PCDH7: variants seen among roughly 807,000 people sequenced by gnomAD.
PCDH7 encodes protocadherin-7.
PCDH7 carries 17 observed loss-of-function variants against 58.9 expected under a neutral mutation model. That is an observed-to-expected ratio of 0.29 (90% confidence interval 0.20 to 0.43). The LOEUF (loss-of-function observed/expected upper bound fraction) is 0.43. Ranked by LOEUF, PCDH7 falls within the 20% of genes least tolerant of loss-of-function variation. PCDH7 has a pLI of 1.00. For synonymous variants in PCDH7, 664 were observed against 616.4 expected (o/e 1.08, Z -1.14); for missense variants, 1,274 against 1,441.0 (o/e 0.88, Z 1.88).
chr4:30,747,175 A>C (rs1350790284), intron 1 of PCDH7, among the ~76,000 whole-genome samples: 1 of 152,204 alleles, frequency 6.6e-6, no homozygotes, highest in East Asian at 1.9e-4. Context: ...TTATATAGTT[A>C]ATACTGAACT....
chr4:31,123,575 C>A (rs1329127319), intron 3 of PCDH7, among the ~76,000 whole-genome samples: 1 of 152,190 alleles, frequency 6.6e-6, no homozygotes, highest in Non-Finnish European at 1.5e-5. Flanking sequence ...TGCCCATGAC[C>A]TCTGGAGCCC....
intron 3 of PCDH7, among the ~76,000 whole-genome samples, chr4:30,995,389 G>T (rs1287196221): frequency 1.3e-5 from 2 of 152,072 alleles, no homozygotes; most frequent in African/African-American, 4.8e-5. Context: ...GCGGGCGCCT[G>T]TAGTCCCAGC....
intron 1 of PCDH7, among the ~76,000 whole-genome samples, chr4:30,866,747 C>G (rs1415617892): frequency 6.6e-6 from 1 of 151,514 alleles, no homozygotes; most frequent in Admixed American, 6.6e-5. Flanking sequence ...ACTCCTTTCT[C>G]TGCAATCCTT....
At chr4:30,884,739 T>C (rs1454722325) in intron 1 of PCDH7, 1 of 152,112 alleles carries the variant, frequency 6.6e-6, no homozygotes, top group Admixed American at 6.6e-5. Context: ...GATCTTAAGA[T>C]TGCATATGCA....
chr4:30,963,976 A>T (rs1336670891), intron 3 of PCDH7, among the ~76,000 whole-genome samples: 1 of 152,208 alleles, frequency 6.6e-6, no homozygotes, highest in East Asian at 1.9e-4. Context: ...TTCTATTTCA[A>T]ACACATATGT....
At chr4:30,725,121 A>T (rs1290508409) in intron 1 of PCDH7, 1 of 999,376 alleles carries the variant, frequency 1.0e-6, no homozygotes, top group Non-Finnish European at 1.2e-6. Flanking sequence ...TAAGTCTGAG[A>T]TATTGAAATA....
intron 1 of PCDH7, among the ~76,000 whole-genome samples, chr4:30,915,283 A>G (rs1578272905): frequency 6.6e-6 from 1 of 152,044 alleles, no homozygotes; most frequent in Non-Finnish European, 1.5e-5. Flanking sequence ...CTATTTCTCC[A>G]TTGATTGACA....
chr4:30,816,282 C>A (rs933834395), intron 1 of PCDH7, among the ~76,000 whole-genome samples: 5 of 152,154 alleles, frequency 3.3e-5, no homozygotes, highest in Admixed American at 1.3e-4. Flanking sequence ...TATAATGCTG[C>A]TAGTGGCATA....
At chr4:30,948,372 T>A (rs1746966746) in intron 2 of PCDH7, among the ~76,000 whole-genome samples, 1 of 151,946 alleles carries the variant, frequency 6.6e-6, no homozygotes, top group African/African-American at 2.4e-5. Flanking sequence ...TCCTTTTTGG[T>A]TTTTGGCTTA....
At chr4:30,957,126 G>GT (rs1334915852) in intron 3 of PCDH7, among the ~76,000 whole-genome samples, 2 of 152,118 alleles carry the variant, frequency 1.3e-5, no homozygotes, top group African/African-American at 2.4e-5. Flanking sequence ...GGTCACGAGA[G>GT]TTTAACACCA....
chr4:30,976,071 C>A (rs888282110), intron 3 of PCDH7, among the ~76,000 whole-genome samples: 1 of 152,172 alleles, frequency 6.6e-6, no homozygotes, highest in Non-Finnish European at 1.5e-5. Flanking sequence ...CATCAGTGGG[C>A]TTTAGTATCT....
chr4:31,123,296 G>A (rs1027398767), intron 3 of PCDH7, among the ~76,000 whole-genome samples: 3 of 151,900 alleles, frequency 2.0e-5, no homozygotes, highest in Admixed American at 6.6e-5. Context: ...ATCAATATTC[G>A]ATACTTAAGA....
chr4:30,775,896 C>CA lies in PCDH7; in HGVS notation c.70+51310dup, dbSNP rs929767863. 3.7e-3 allele frequency among the ~76,000 whole-genome samples: 534 copies of CA among 145,610 alleles called. 4 individuals are homozygous for CA. The highest frequency in any genetic ancestry group is 0.012 in the African/African-American group (487 of 39,816). The stretch of plus-strand genomic sequence containing the variant: ...TGGGTGACAGAGTGAAACTCCATTG[C>CA]AAAAAAAAAAGATATGAGTTATGAT... On this transcript the variant is annotated intron_variant, in intron 1 of 3. Transcript: ENST00000509759.
chr4:31,007,571 A>C (rs1290055464), intron 3 of PCDH7, among the ~76,000 whole-genome samples: 1 of 151,434 alleles, frequency 6.6e-6, no homozygotes, highest in Admixed American at 6.6e-5. Flanking sequence ...AGTTTCTAGA[A>C]GATATGGTTT....
At chr4:30,745,985 A>T (rs1198905272) in intron 1 of PCDH7, among the ~76,000 whole-genome samples, 1 of 152,034 alleles carries the variant, frequency 6.6e-6, no homozygotes, top group African/African-American at 2.4e-5. Context: ...GATTACAGGC[A>T]TGCACCACCA....
At chr4:31,037,802 G>A (rs970854186) in intron 3 of PCDH7, among the ~76,000 whole-genome samples, 2 of 152,148 alleles carry the variant, frequency 1.3e-5, no homozygotes, top group African/African-American at 4.8e-5. Flanking sequence ...TTGTGGTGTG[G>A]ACTTTGCTTT....
At chr4:30,876,166 C>G (rs981044791) in intron 1 of PCDH7, among the ~76,000 whole-genome samples, 1 of 152,064 alleles carries the variant, frequency 6.6e-6, no homozygotes, top group Non-Finnish European at 1.5e-5. Flanking sequence ...AGGTAACAGG[C>G]TGCAATATGC....
rs1448693569 is a variant in PCDH7, at chr4:30,913,617, T to C, written c.71-6536T>C. 2.6e-5 allele frequency among the ~76,000 whole-genome samples: 4 copies of C among 152,150 alleles called. 1 individual carries two copies. The highest frequency in any genetic ancestry group is 1.3e-4 in the Admixed American group (2 of 15,270). On this transcript the variant is annotated intron_variant, in intron 1 of 3. Coordinates refer to the PCDH7 transcript ENST00000509759. Reference sequence around the variant, plus strand: ...GTTAGGTGCTTTATGTTATCAATCATAGAGATGCAATTTTACGAAAGGGAA... The same window carrying C: ...GTTAGGTGCTTTATGTTATCAATCACAGAGATGCAATTTTACGAAAGGGAA...
chr4:31,048,108 T>C (rs1028489210), intron 3 of PCDH7, among the ~76,000 whole-genome samples: 22 of 152,114 alleles, frequency 1.4e-4, no homozygotes, highest in African/African-American at 5.1e-4. Flanking sequence ...TTTCATATAA[T>C]TGTATCTCTA....
Sources: gnomAD v4.1 joint callset for allele counts (sites outside exome capture counted in the v4.1 genomes callset) on GRCh38, gnomAD v4.1.1 for gene constraint, MANE v1.5 for transcripts, NCBI Gene and HGNC (gene_info 2026-07-23, HGNC 2026-07-21) for gene names.